Variants in SLC8B1 observed in about 807,000 individuals in gnomAD.
SLC8B1 encodes the protein mitochondrial sodium/calcium exchanger protein.
In SLC8B1, 52 loss-of-function variants were observed where a neutral mutation model predicts 63.4. The observed-to-expected ratio is 0.82, with a 90% CI of 0.66 to 1.03. The LOEUF is 1.03. Ranked by LOEUF, SLC8B1 falls within the 50% of genes least tolerant of loss-of-function variation. The pLI is 0.00. For synonymous variants in SLC8B1, 336 were observed against 323.9 expected (o/e 1.04, Z -0.40); for missense variants, 657 against 741.7 (o/e 0.89, Z 1.33).
chr12:113,331,295 T>G (rs67521432), intron 2 of SLC8B1, among the ~76,000 whole-genome samples: 17,236 of 148,728 alleles, frequency 0.12, 1,071 homozygotes, highest in African/African-American at 0.18. Context: ...AGGCTGTGCA[T>G]AAGAATCGCT....
In SLC8B1 at chr12:113,299,468, C is replaced by A; in HGVS notation, c.*309G>T. On this transcript the variant is annotated 3_prime_UTR_variant, in exon 16 of 16. Coordinates refer to ENST00000680972, the MANE Select transcript of SLC8B1 (RefSeq NM_001358345.2). ...GAGCACATCCAGCCATCCCCTTCCC[C>A]CAAACTCCAGCCCTTCTCAGAGGGG... 2.8e-6 allele frequency: 1 copy of A among 352,820 alleles called. No individual in the cohort carries two copies. Among genetic ancestry groups the A allele is most frequent in the Non-Finnish European group, 5.5e-6 (1 of 182,618 alleles). The allele number at this position is 352,820 out of a possible 1,614,324, so 21.9% of individuals were successfully genotyped here.
At chr12:113,303,607 A>G (rs1956629851) in intron 15 of SLC8B1, among the ~76,000 whole-genome samples, 1 of 152,172 alleles carries the variant, frequency 6.6e-6, no homozygotes, top group Non-Finnish European at 1.5e-5. Flanking sequence ...TCTGCCTCAT[A>G]TGCACAGGGT....
intron 15 of SLC8B1, among the ~76,000 whole-genome samples, chr12:113,301,527 T>C (rs181867338): frequency 2.0e-5 from 3 of 152,038 alleles, no homozygotes; most frequent in Admixed American, 1.3e-4. Flanking sequence ...TTAGTAGAGA[T>C]GGAGTTTCAC....
At chr12:113,311,901 C>A (rs1281864720) in intron 11 of SLC8B1, among the ~76,000 whole-genome samples, 1 of 151,798 alleles carries the variant, frequency 6.6e-6, no homozygotes, top group African/African-American at 2.4e-5. Context: ...GGGGTTTTTA[C>A]CTACAGTGCC....
chr12:113,309,360 G>A lies in SLC8B1; in HGVS notation c.1257+874C>T, dbSNP rs375543351. Reference sequence around the variant, plus strand: ...ATTTAAGTAAACTTTTAAGGAAAAAGTCTCTGGACAAACCCCTAAATATTC... The same window carrying A: ...ATTTAAGTAAACTTTTAAGGAAAAAATCTCTGGACAAACCCCTAAATATTC... On this transcript the variant is annotated intron_variant, in intron 12 of 15. Transcript: ENST00000680972. Among the ~76,000 whole-genome samples the A allele has an allele frequency of 7.9e-5, 12 of 152,242 alleles. No individual in the cohort carries two copies. The East Asian group carries it at 2.1e-3, about 27-fold the overall frequency.
At chr12:113,300,878 G>C (rs1956578157) in intron 15 of SLC8B1, among the ~76,000 whole-genome samples, 1 of 152,256 alleles carries the variant, frequency 6.6e-6, no homozygotes, top group African/African-American at 2.4e-5. Flanking sequence ...GCTCAGGCCT[G>C]TAATCCCAAC....
At chr12:113,311,186 C>G (rs1956755161) in intron 11 of SLC8B1, among the ~76,000 whole-genome samples, 1 of 152,154 alleles carries the variant, frequency 6.6e-6, no homozygotes, top group African/African-American at 2.4e-5. Context: ...CACGGTGGCT[C>G]ACACCTGTAA....
intron 2 of SLC8B1, among the ~76,000 whole-genome samples, chr12:113,330,301 G>A (rs1002875066): frequency 2.6e-5 from 4 of 152,210 alleles, no homozygotes; most frequent in African/African-American, 9.7e-5. Context: ...GGCTGGGGGG[G>A]CCTTTCCCAG....
In SLC8B1 at chr12:113,333,405, T is replaced by C. The variant is rs192331976; in HGVS notation, c.-82-445A>G. Among the ~76,000 whole-genome samples the C allele has an allele frequency of 3.3e-5, 5 of 152,306 alleles. No individual in the cohort carries two copies. In the East Asian group the frequency reaches 5.8e-4, roughly 18 times the overall value. Reference sequence around the variant, plus strand: ...GCCTCTGGGCCACCAGTTTGAGACGTAGAGAGGCTTGCCCACCACATTTTA... The same window carrying C: ...GCCTCTGGGCCACCAGTTTGAGACGCAGAGAGGCTTGCCCACCACATTTTA... On this transcript the variant is annotated intron_variant, in intron 1 of 15. Transcript: ENST00000680972.
In SLC8B1 at chr12:113,315,406, T is replaced by G. The variant is rs749703436; in HGVS notation, c.1064A>C (p.Lys355Thr). ...CAGATGCAGACAGTTGAGGGGCCGT[T>G]TCCAGTTCTGGTCATCCTTGTCCGG... ...VDPDKDDQNW[K>T]RPLNCLHLVI... Residue 355 changes from lysine (K) to threonine (T), a missense_variant, in exon 11 of 16, where the codon AAA becomes ACA. Coordinates refer to ENST00000680972, the MANE Select transcript of SLC8B1 (RefSeq NM_001358345.2). The G allele has an allele frequency of 6.3e-7, 1 of 1,588,500 alleles. No individual in the cohort carries two copies. Among genetic ancestry groups the G allele is most frequent in the South Asian group, 1.2e-5 (1 of 86,764 alleles).
At chr12:113,325,957 A>G (rs1336554487) in intron 2 of SLC8B1, among the ~76,000 whole-genome samples, 2 of 152,146 alleles carry the variant, frequency 1.3e-5, no homozygotes, top group African/African-American at 4.8e-5. Flanking sequence ...TGAATGACTA[A>G]GTGATTTTGT....
intron 1 of SLC8B1, 96 bp downstream of exon 1, chr12:113,334,347 G>A (rs1475750322): frequency 6.6e-6 from 1 of 152,148 alleles, no homozygotes; most frequent in Non-Finnish European, 1.5e-5. Flanking sequence ...AGTCTGCGCA[G>A]GTGTTTCTCA....
In SLC8B1 at chr12:113,299,917, C is replaced by G; in HGVS notation, c.1615G>C (p.Val539Leu). 1.2e-6 allele frequency: 2 copies of G among 1,614,148 alleles called. No individual in the cohort carries two copies. The highest frequency in any genetic ancestry group is 1.7e-5 in the Admixed American group (1 of 60,036). Reference protein sequence around the residue: ...VLAGALGLSLVFSLVSVPLQC... With the variant: ...VLAGALGLSLLFSLVSVPLQC... ...AATGGGACTGAGACCAGGGAGAAGA[C>G]GAGGCTGAGCCCCAGGGCGCCTGCC... Residue 539 changes from valine to leucine, a missense_variant, in exon 16 of 16, where the codon GTC (valine) becomes CTC (leucine). Physicochemically the swap from Val to Leu is conservative, Grantham distance 32 (BLOSUM62 1). Coordinates refer to ENST00000680972, the MANE Select transcript of SLC8B1 (RefSeq NM_001358345.2).
intron 2 of SLC8B1, among the ~76,000 whole-genome samples, chr12:113,325,641 G>T (rs941690252): frequency 1.3e-5 from 2 of 149,614 alleles, no homozygotes; most frequent in Non-Finnish European, 3.0e-5. Flanking sequence ...CTCGGCTCAC[G>T]GCAAGTTCCG....
chr12:113,321,609 C>T (rs1487993933), intron 2 of SLC8B1, among the ~76,000 whole-genome samples: 1 of 152,002 alleles, frequency 6.6e-6, no homozygotes, highest in Non-Finnish European at 1.5e-5. Context: ...TTATCCCTGC[C>T]CTCCGTAAAT....
chr12:113,310,624 C>T (rs1488245697), intron 11 of SLC8B1, among the ~76,000 whole-genome samples: 1 of 152,234 alleles, frequency 6.6e-6, no homozygotes, highest in Non-Finnish European at 1.5e-5. Flanking sequence ...CCACCCTCTT[C>T]CACCTTCATG....
At chr12:113,308,517 G>C (rs1231093248) in intron 12 of SLC8B1, 1 of 150,172 alleles carries the variant, frequency 6.7e-6, no homozygotes, top group Non-Finnish European at 1.5e-5. Context: ...TCACTCCCTA[G>C]CCCCACCCCA....
chr12:113,309,403 A>T (rs1956724865), intron 12 of SLC8B1, among the ~76,000 whole-genome samples: 1 of 152,206 alleles, frequency 6.6e-6, no homozygotes. Flanking sequence ...TGCCTAGACT[A>T]GGGAAAATGG....
chr12:113,309,170 A>C (rs938373512), intron 12 of SLC8B1, among the ~76,000 whole-genome samples: 6 of 151,190 alleles, frequency 4.0e-5, no homozygotes, highest in Non-Finnish European at 5.9e-5. Flanking sequence ...GAAAATATTA[A>C]GTAAACTTTT....
Sources: gnomAD v4.1 joint callset for allele counts (sites outside exome capture counted in the v4.1 genomes callset) on GRCh38, gnomAD v4.1.1 for gene constraint, MANE v1.5 for transcripts, NCBI Gene and HGNC (gene_info 2026-07-23, HGNC 2026-07-21) for gene names.